HDAC9: variants seen among roughly 807,000 people sequenced by gnomAD.
HDAC9 encodes MEF-2 interacting transcription repressor (MITR) protein.
In HDAC9, 41 loss-of-function variants were observed where a neutral mutation model predicts 139.4. The observed-to-expected ratio is 0.29, with a 90% CI of 0.23 to 0.38. The LOEUF (loss-of-function observed/expected upper bound fraction) is 0.38. Ranked by LOEUF, HDAC9 falls within the 10% of genes least tolerant of loss-of-function variation. The pLI, the probability that HDAC9 is intolerant of heterozygous loss-of-function variation, is 1.00. For missense variants in HDAC9, 1,147 were observed against 1,297.0 expected, an observed-to-expected ratio of 0.88 and a Z score of 1.78; for synonymous variants, 517 against 476.2, an observed-to-expected ratio of 1.09 and a Z score of -1.12.
chr7:18,431,949 C>CT (rs1478483838), intron 1 of HDAC9, among the ~76,000 whole-genome samples: 2 of 152,130 alleles, frequency 1.3e-5, no homozygotes, highest in Admixed American at 1.3e-4. Flanking sequence ...AGAATGTGTC[C>CT]TTTTTACCTC....
At chr7:18,102,176 T>C (rs1407725164) in intron 1 of HDAC9, among the ~76,000 whole-genome samples, 1 of 152,232 alleles carries the variant, frequency 6.6e-6, no homozygotes, top group African/African-American at 2.4e-5. Flanking sequence ...CTATAGTGAA[T>C]ACATCTTGTT....
rs141550311 is a variant in HDAC9, at chr7:18,796,094, C to G, written c.2322+2642C>G. 1.5e-3 allele frequency among the ~76,000 whole-genome samples: 232 copies of G among 152,222 alleles called. 1 individual carries two copies. The highest frequency in any genetic ancestry group is 5.2e-3 in the African/African-American group (217 of 41,532). ...TAAATAAAATTGGCATGTTACGATA[C>G]CACATCGTATGAGATTGCACTAATT... On this transcript the variant is annotated intron_variant, in intron 17 of 25. Transcript: ENST00000686413.
intron 14 of HDAC9, among the ~76,000 whole-genome samples, chr7:18,751,686 G>A (rs1788461301): frequency 6.6e-6 from 1 of 152,052 alleles, no homozygotes; most frequent in Admixed American, 6.6e-5. Context: ...ATCTGCCCAT[G>A]TGTGAATGAT....
chr7:18,888,242 A>T lies in HDAC9; in HGVS notation c.2803+13646A>T, dbSNP rs187635184. Among the ~76,000 whole-genome samples the T allele has an allele frequency of 1.1e-4, 16 of 152,260 alleles. No individual in the cohort carries two copies. The East Asian group carries it at 2.9e-3, about 28-fold the overall frequency. On this transcript the variant is annotated intron_variant, in intron 22 of 25. Transcript: ENST00000686413. ...CGAGACCATCCTGGCTAACACGGTG[A>T]AACCCCGTCTCTACTAAAAATAAAA...
chr7:18,139,525 C>T (rs973093091), intron 1 of HDAC9, among the ~76,000 whole-genome samples: 31 of 152,012 alleles, frequency 2.0e-4, no homozygotes, highest in Middle Eastern at 6.8e-3. Context: ...TCCTTTTTTC[C>T]GTGTCAGGGA....
At chr7:18,283,893 A>G (rs1197590458) in intron 2 of HDAC9, among the ~76,000 whole-genome samples, 2 of 152,192 alleles carry the variant, frequency 1.3e-5, no homozygotes, top group Non-Finnish European at 2.9e-5. Context: ...ACAAATCAGA[A>G]CAACAAAGTT....
intron 22 of HDAC9, among the ~76,000 whole-genome samples, chr7:18,918,309 G>T (rs900899391): frequency 1.3e-5 from 2 of 151,686 alleles, no homozygotes; most frequent in African/African-American, 4.8e-5. Flanking sequence ...GGTGGAAGGA[G>T]GTAGAGGAGC....
intron 12 of HDAC9, among the ~76,000 whole-genome samples, chr7:18,694,590 G>A (rs1232640118): frequency 1.3e-5 from 2 of 152,102 alleles, no homozygotes; most frequent in African/African-American, 4.8e-5. Context: ...AGAGATGGGA[G>A]TCAGTCCTTA....
At chr7:18,388,344 G>A (rs912900807) in intron 1 of HDAC9, among the ~76,000 whole-genome samples, 9 of 152,188 alleles carry the variant, frequency 5.9e-5, no homozygotes, top group African/African-American at 2.2e-4. Flanking sequence ...TGTCCACAGT[G>A]AGGGCTGTGT....
chr7:18,970,397 A>G (rs1348939205), intron 24 of HDAC9, among the ~76,000 whole-genome samples: 2 of 152,240 alleles, frequency 1.3e-5, no homozygotes, highest in African/African-American at 4.8e-5. Flanking sequence ...AGTTGTAACA[A>G]TAAATTTTGA....
At chr7:18,438,338 A>T (rs1791414880) in intron 1 of HDAC9, among the ~76,000 whole-genome samples, 1 of 152,120 alleles carries the variant, frequency 6.6e-6, no homozygotes, top group Non-Finnish European at 1.5e-5. Context: ...CAGTGTTGGT[A>T]ATGCTATGGG....
At chr7:18,261,989 C>T (rs533887611) in intron 2 of HDAC9, among the ~76,000 whole-genome samples, 3 of 152,248 alleles carry the variant, frequency 2.0e-5, no homozygotes, top group South Asian at 4.1e-4. Context: ...CATTTTTGCC[C>T]TAGCAAAGAT....
At chr7:18,570,726 T>C (rs544660323) in intron 2 of HDAC9, among the ~76,000 whole-genome samples, 1 of 152,332 alleles carries the variant, frequency 6.6e-6, no homozygotes, top group African/African-American at 2.4e-5. Flanking sequence ...GTCTACTCCA[T>C]AGGTTACTAG....
intron 12 of HDAC9, among the ~76,000 whole-genome samples, chr7:18,707,532 T>C (rs1041892184): frequency 5.3e-5 from 8 of 152,100 alleles, no homozygotes; most frequent in African/African-American, 1.9e-4. Context: ...TTCAGGAGCA[T>C]TTAAGGTGAA....
intron 2 of HDAC9, among the ~76,000 whole-genome samples, chr7:18,254,799 G>A (rs1056775103): frequency 1.3e-5 from 2 of 152,134 alleles, no homozygotes; most frequent in African/African-American, 4.8e-5. Flanking sequence ...GATTTTTTAA[G>A]TGCTTTATTA....
intron 23 of HDAC9, among the ~76,000 whole-genome samples, chr7:18,936,295 A>C (rs968012628): frequency 2.0e-5 from 3 of 152,206 alleles, no homozygotes; most frequent in Non-Finnish European, 4.4e-5. Context: ...GGGAAAAAAA[A>C]ACTGTTTTAA....
chr7:18,572,415 A>G (rs1824611518), intron 2 of HDAC9, among the ~76,000 whole-genome samples: 1 of 150,762 alleles, frequency 6.6e-6, no homozygotes, highest in Non-Finnish European at 1.5e-5. Context: ...GAAACCCTAT[A>G]TTTGAGGCAG....
chr7:18,125,477 G>A (rs550728289), intron 1 of HDAC9, among the ~76,000 whole-genome samples: 3 of 152,018 alleles, frequency 2.0e-5, no homozygotes, highest in African/African-American at 4.8e-5. Context: ...AACAAGATGA[G>A]GACTGGCTCA....
intron 2 of HDAC9, among the ~76,000 whole-genome samples, chr7:18,205,053 A>G (rs538557309): frequency 1.6e-4 from 25 of 152,110 alleles, no homozygotes; most frequent in African/African-American, 6.0e-4. Context: ...ACAAATACAC[A>G]TAGGGAGTTA....
Sources: gnomAD v4.1 joint callset for allele counts (sites outside exome capture counted in the v4.1 genomes callset) on GRCh38, gnomAD v4.1.1 for gene constraint, MANE v1.5 for transcripts, NCBI Gene and HGNC (gene_info 2026-07-23, HGNC 2026-07-21) for gene names.